The following ZNF385B variants were observed in gnomAD, a reference collection of about 807,000 sequenced individuals.
The protein encoded by ZNF385B is zinc finger protein 533.
Under a neutral mutation model 39.2 loss-of-function variants are expected in ZNF385B, and 23 were observed. The observed-to-expected ratio is 0.59, with a 90% CI of 0.42 to 0.83. ZNF385B has a LOEUF of 0.83. ZNF385B is among the 40% of genes least tolerant of loss of function. ZNF385B has a pLI of 0.00. For synonymous variants in ZNF385B, 205 were observed against 222.6 expected (o/e 0.92, Z 0.70); for missense variants, 552 against 598.9 (o/e 0.92, Z 0.82).
chr2:179,768,586 T>A (rs1245790936), intron 3 of ZNF385B, among the ~76,000 whole-genome samples: 1 of 152,172 alleles, frequency 6.6e-6, no homozygotes, highest in Non-Finnish European at 1.5e-5. Flanking sequence ...GGGGCCTCAT[T>A]ACAGAGCAAA....
chr2:179,714,128 C>T (rs1251416614), intron 3 of ZNF385B, among the ~76,000 whole-genome samples: 1 of 152,068 alleles, frequency 6.6e-6, no homozygotes, highest in Non-Finnish European at 1.5e-5. Flanking sequence ...AACTGAGCTA[C>T]TTAGAAAGTC....
intron 5 of ZNF385B, among the ~76,000 whole-genome samples, chr2:179,493,769 A>ATGTG (rs2055772001): frequency 1.1e-5 from 1 of 89,782 alleles, no homozygotes; most frequent in East Asian, 2.4e-4. Flanking sequence ...ATATGTATAC[A>ATGTG]TATATGTATA....
At chr2:179,607,548 A>T (rs1688914507) in intron 3 of ZNF385B, among the ~76,000 whole-genome samples, 1 of 152,128 alleles carries the variant, frequency 6.6e-6, no homozygotes, top group Non-Finnish European at 1.5e-5. Context: ...ACCCAGTCTC[A>T]GGTAGTTCTT....
At chr2:179,507,685 G>T (rs2105760174) in intron 5 of ZNF385B, among the ~76,000 whole-genome samples, 1 of 152,226 alleles carries the variant, frequency 6.6e-6, no homozygotes, top group South Asian at 2.1e-4. Flanking sequence ...TTCAAGGCAG[G>T]AACTACTTTG....
chr2:179,679,161 G>A (rs905625846), intron 3 of ZNF385B, among the ~76,000 whole-genome samples: 2 of 152,124 alleles, frequency 1.3e-5, no homozygotes, highest in Non-Finnish European at 2.9e-5. Flanking sequence ...ACCAGTCAAT[G>A]ACAGAATGAC....
chr2:179,465,162 A>G (rs1460713097), intron 6 of ZNF385B, among the ~76,000 whole-genome samples: 1 of 152,016 alleles, frequency 6.6e-6, no homozygotes, highest in African/African-American at 2.4e-5. Flanking sequence ...TTTGATGTTC[A>G]TGAAATTTCC....
intron 3 of ZNF385B, among the ~76,000 whole-genome samples, chr2:179,561,482 A>G (rs2061332747): frequency 6.6e-6 from 1 of 152,176 alleles, no homozygotes; most frequent in Admixed American, 6.6e-5. Flanking sequence ...GAATAAAAGA[A>G]GTCAATGCTC....
intron 6 of ZNF385B, among the ~76,000 whole-genome samples, chr2:179,480,087 T>C (rs2053835584): frequency 6.6e-6 from 1 of 152,210 alleles, no homozygotes; most frequent in East Asian, 1.9e-4. Flanking sequence ...AGTGCCTGCA[T>C]AGTTGAAATC....
At position 179,792,370 on chromosome 2, in the gene ZNF385B, C is replaced by CTTTTTTTTTTTTTTTTTTTTTTT. The variant is rs1346808450; in HGVS notation, c.-154-21699_-154-21698insAAAAAAAAAAAAAAAAAAAAAAA. Among the ~76,000 whole-genome samples, 9 of 70,722 alleles carry CTTTTTTTTTTTTTTTTTTTTTTT rather than the reference C, an allele frequency of 1.3e-4. 1 individual carries two copies. Among genetic ancestry groups the CTTTTTTTTTTTTTTTTTTTTTTT allele is most frequent in the African/African-American group, 1.5e-4 (3 of 19,804 alleles). 46.4% of individuals were successfully genotyped at this position (70,722 alleles called of 152,430 possible). A position where few individuals can be genotyped will look rare whatever the true frequency, so the allele number is the denominator to read the frequency against. ...CTGAAGAAGTAGGCCATTTCATTTT[C>CTTTTTTTTTTTTTTTTTTTTTTT]TTTTCTTTTTTTTTTTTTTTTGAGA... On this transcript the variant is annotated intron_variant, in intron 1 of 9. Transcript: ENST00000410066.
intron 5 of ZNF385B, among the ~76,000 whole-genome samples, chr2:179,513,040 A>G (rs888932768): frequency 1.3e-5 from 2 of 152,212 alleles, no homozygotes. Context: ...TGGATAATGA[A>G]GAACCGCAAA....
At chr2:179,613,626 CCA>C (rs1374061853) in intron 3 of ZNF385B, among the ~76,000 whole-genome samples, 3 of 151,992 alleles carry the variant, frequency 2.0e-5, no homozygotes, top group Non-Finnish European at 2.9e-5. Context: ...GAGTTGGTGT[CCA>C]AGTTGCAAAA....
intron 3 of ZNF385B, among the ~76,000 whole-genome samples, chr2:179,698,181 T>TA (rs34737779): frequency 0.84 from 125,176 of 148,668 alleles, 53,750 homozygotes; most frequent in Non-Finnish European, 0.93. Context: ...AAAGTATAAT[T>TA]AAAAAAAAAA....
intron 6 of ZNF385B, among the ~76,000 whole-genome samples, chr2:179,467,261 C>T (rs2052165569): frequency 6.6e-6 from 1 of 152,062 alleles, no homozygotes. Context: ...CCAAATGTCC[C>T]CAAGGGTTAC....
chr2:179,570,998 C>G (rs1337613501), intron 3 of ZNF385B, among the ~76,000 whole-genome samples: 2 of 152,176 alleles, frequency 1.3e-5, no homozygotes, highest in African/African-American at 4.8e-5. Flanking sequence ...TTCTATAAAG[C>G]AAATACTTGT....
intron 3 of ZNF385B, among the ~76,000 whole-genome samples, chr2:179,560,306 T>C (rs1245837726): frequency 6.6e-6 from 1 of 152,158 alleles, no homozygotes; most frequent in Non-Finnish European, 1.5e-5. Context: ...AATGGAGATA[T>C]TTTCTTTTAA....
At chr2:179,493,533 A>ATGCGTATACATATGTGTGTACATATT (rs2055542156) in intron 5 of ZNF385B, among the ~76,000 whole-genome samples, 1 of 151,260 alleles carries the variant, frequency 6.6e-6, no homozygotes. Flanking sequence ...GTGTACATAT[A>ATGCGTATACATATGTGTGTACATATT]TGCGTATACA....
rs912859323 is a variant in ZNF385B, at chr2:179,570,671, C to T, written c.299-25702G>A. Among the ~76,000 whole-genome samples the T allele has an allele frequency of 3.3e-5, 5 of 152,140 alleles. No individual in the cohort carries two copies. The East Asian group carries it at 7.7e-4, about 23-fold the overall frequency. ...GTTTGGAGGCTGGCATTTAGAAATGCCTATAATATCCTCAACATATTCCAT... is the reference window on the plus strand; with the variant it reads ...GTTTGGAGGCTGGCATTTAGAAATGTCTATAATATCCTCAACATATTCCAT... On this transcript the variant is annotated intron_variant, in intron 3 of 9. Coordinates refer to ENST00000410066, the MANE Select transcript of ZNF385B (RefSeq NM_152520.6).
At chr2:179,683,869 T>G (rs965047146) in intron 3 of ZNF385B, among the ~76,000 whole-genome samples, 3 of 152,218 alleles carry the variant, frequency 2.0e-5, no homozygotes, top group Non-Finnish European at 1.5e-5. Flanking sequence ...CATTGGCAAC[T>G]TTATCTCAAA....
At chr2:179,531,457 A>G (rs1321271876) in intron 4 of ZNF385B, among the ~76,000 whole-genome samples, 8 of 151,938 alleles carry the variant, frequency 5.3e-5, no homozygotes, top group Non-Finnish European at 1.0e-4. Flanking sequence ...CCAACATGGC[A>G]AAACCCCATC....
Sources: gnomAD v4.1 joint callset for allele counts (sites outside exome capture counted in the v4.1 genomes callset) on GRCh38, gnomAD v4.1.1 for gene constraint, MANE v1.5 for transcripts, NCBI Gene and HGNC (gene_info 2026-07-23, HGNC 2026-07-21) for gene names.